The following TC2N variants were observed in gnomAD, a reference collection of about 807,000 sequenced individuals.
TC2N encodes the protein tandem C2 domains, nuclear.
TC2N carries 51 observed loss-of-function variants against 61.9 expected under a neutral mutation model. The observed-to-expected ratio is 0.82, with a 90% CI of 0.66 to 1.04. The LOEUF is 1.04. Ranked by LOEUF, TC2N falls within the 50% of genes least tolerant of loss-of-function variation. The pLI, the probability that TC2N is intolerant of heterozygous loss-of-function variation, is 0.00. For synonymous variants in TC2N, 204 were observed against 192.6 expected, an observed-to-expected ratio of 1.06 and a Z score of -0.49; for missense variants, 556 against 566.7, an observed-to-expected ratio of 0.98 and a Z score of 0.19.
At chr14:91,864,739 CT>C (rs202210841) in intron 1 of TC2N, among the ~76,000 whole-genome samples, 2,650 of 149,826 alleles carry the variant, frequency 0.018, 78 homozygotes, top group African/African-American at 0.061. Flanking sequence ...CATAATGGCA[CT>C]GTATTTGTAT....
chr14:91,837,099 G>T lies in TC2N; in HGVS notation c.-56-23274C>A, dbSNP rs932129468. 2.5e-4 allele frequency among the ~76,000 whole-genome samples: 38 copies of T among 152,214 alleles called. 1 individual carries two copies. On this transcript the variant is annotated intron_variant, in intron 1 of 11. Coordinates refer to ENST00000435962, the MANE Select transcript of TC2N (RefSeq NM_001128596.3). This position sits in a 1 kb window ranked among gnomAD's most constrained non-coding sequence, Gnocchi z 4.2. ...ACCTCACACCCCCGATTCTATGAGG[G>T]ATCCCCTCTAACCCTGGTAAAGCGG...
chr14:91,826,133 A>G (rs916669423), intron 1 of TC2N, among the ~76,000 whole-genome samples: 7 of 152,078 alleles, frequency 4.6e-5, no homozygotes, highest in African/African-American at 1.7e-4. Context: ...AGCCTGTACA[A>G]TATAGGGAGA....
chr14:91,859,280 C>A (rs1416028939), intron 1 of TC2N, among the ~76,000 whole-genome samples: 1 of 152,110 alleles, frequency 6.6e-6, no homozygotes, highest in Non-Finnish European at 1.5e-5. Context: ...GTATGTAAAT[C>A]TTACCTTAAC....
intron 10 of TC2N, among the ~76,000 whole-genome samples, chr14:91,785,800 T>C (rs933562771): frequency 6.6e-5 from 10 of 151,930 alleles, no homozygotes; most frequent in African/African-American, 2.4e-4. Flanking sequence ...AAATTTGAGA[T>C]GTATAGAGCT....
At chr14:91,815,180 A>C (rs1051567151) in intron 1 of TC2N, among the ~76,000 whole-genome samples, 4 of 151,630 alleles carry the variant, frequency 2.6e-5, no homozygotes, top group South Asian at 2.1e-4. Flanking sequence ...TATAACTAAA[A>C]CAATTTTTCT....
Position 91,785,337 on chromosome 14 carries a change from A to C in TC2N, c.1187T>G (p.Phe396Cys). 6.2e-7 allele frequency: 1 copy of C among 1,613,552 alleles called. No individual in the cohort carries two copies. Among genetic ancestry groups the C allele is most frequent in the Non-Finnish European group, 8.5e-7 (1 of 1,179,778 alleles). ...TLSFFVKVGM[F>C]SSGELIYKKK... ...CTTATAAATCAACTCTCCCGAGCTAAACATTCCCACCTTCACGAAAAAACC... is the reference window on the plus strand; with the variant it reads ...CTTATAAATCAACTCTCCCGAGCTACACATTCCCACCTTCACGAAAAAACC... Residue 396 changes from phenylalanine (F) to cysteine (C), a missense_variant, in exon 11 of 12, where the codon TTT becomes TGT. Transcript: ENST00000435962.
At position 91,799,073 on chromosome 14, in the gene TC2N, A is replaced by G. The variant is rs749985252; in HGVS notation, c.562-9T>C. ...GACAATGAATCATGTCTCTATAAAT[A>G]AAATTATTCTTTAGTCAGAAATTGC... On this transcript the variant is annotated splice_polypyrimidine_tract_variant and intron_variant, in intron 5 of 11. Transcript: ENST00000435962. The G allele has an allele frequency of 1.0e-5, 16 of 1,552,998 alleles. No homozygotes were observed. Among genetic ancestry groups the G allele is most frequent in the South Asian group, 6.0e-5 (5 of 83,924 alleles).
chr14:91,867,030 C>T (rs547529610), intron 1 of TC2N, among the ~76,000 whole-genome samples: 1 of 152,206 alleles, frequency 6.6e-6, no homozygotes, highest in African/African-American at 2.4e-5. Flanking sequence ...CCCATCAGAC[C>T]ACATTTTGAA....
At chr14:91,786,217 C>T (rs994007568) in intron 10 of TC2N, among the ~76,000 whole-genome samples, 4 of 152,086 alleles carry the variant, frequency 2.6e-5, no homozygotes. Flanking sequence ...CATCTGTTGT[C>T]CTTGTTTCCT....
chr14:91,857,582 C>A (rs1366418382), intron 1 of TC2N, among the ~76,000 whole-genome samples: 1 of 152,190 alleles, frequency 6.6e-6, no homozygotes, highest in Non-Finnish European at 1.5e-5. Context: ...GTATTATTAT[C>A]CCCATTTAAC....
At chr14:91,851,885 A>C (rs1888383364) in intron 1 of TC2N, among the ~76,000 whole-genome samples, 1 of 152,260 alleles carries the variant, frequency 6.6e-6, no homozygotes, top group South Asian at 2.1e-4. Context: ...TTTAGCATCC[A>C]TCAAAATAAC....
intron 1 of TC2N, among the ~76,000 whole-genome samples, chr14:91,858,286 C>T (rs1888525185): frequency 6.6e-6 from 1 of 151,820 alleles, no homozygotes; most frequent in South Asian, 2.1e-4. Context: ...GCCATCACTC[C>T]CAGCCAAGAA....
At chr14:91,800,460 A>C (rs1886175800) in intron 4 of TC2N, 88 bp from the exon 5 acceptor site, 1 of 624,934 alleles carries the variant, frequency 1.6e-6, no homozygotes, top group African/African-American at 1.9e-5. Context: ...GTAGCAATAC[A>C]TCATGAATAT....
At chr14:91,836,167 CAG>C (rs1887991450) in intron 1 of TC2N, 1 of 152,662 alleles carries the variant, frequency 6.6e-6, no homozygotes, top group Non-Finnish European at 1.5e-5. Context: ...ACAAAAGAGA[CAG>C]AACTGACACT....
At chr14:91,803,406 C>A (rs1595236858) in intron 3 of TC2N, among the ~76,000 whole-genome samples, 1 of 96,270 alleles carries the variant, frequency 1.0e-5, no homozygotes, top group African/African-American at 4.7e-5. Context: ...CACACACGTA[C>A]ATACATACAC....
intron 8 of TC2N, 31 bp downstream of exon 8, chr14:91,797,754 A>G: frequency 2.9e-6 from 4 of 1,358,270 alleles, no homozygotes; most frequent in Non-Finnish European, 4.1e-6. Context: ...AAAAAAACAG[A>G]AAAGAAATTC....
At chr14:91,864,969 C>A (rs146862030) in intron 1 of TC2N, among the ~76,000 whole-genome samples, 1 of 151,822 alleles carries the variant, frequency 6.6e-6, no homozygotes, top group Non-Finnish European at 1.5e-5. Context: ...TTAGTAGAGA[C>A]GGGTTTCACC....
chr14:91,851,115 A>G (rs376325107), intron 1 of TC2N, among the ~76,000 whole-genome samples: 1 of 152,110 alleles, frequency 6.6e-6, no homozygotes, highest in South Asian at 2.1e-4. Context: ...AGTGCACAAT[A>G]AATGTAATGT....
rs749126727 is a variant in TC2N at position 91,802,431 on chromosome 14, A to G, written c.302-10T>C. On this transcript the variant is annotated splice_polypyrimidine_tract_variant and intron_variant, in intron 3 of 11. Transcript: ENST00000435962. ...GATGCTCTGGCAGATCCTGAAAGCAAATGTTTCTAAAAGTTTATAACATCC... is the reference window on the plus strand; with the variant it reads ...GATGCTCTGGCAGATCCTGAAAGCAGATGTTTCTAAAAGTTTATAACATCC... 4.4e-6 allele frequency: 7 copies of G among 1,608,982 alleles called. No individual in the cohort carries two copies. The South Asian group carries it at 5.6e-5, about 13-fold the overall frequency.
Sources: gnomAD v4.1 joint callset for allele counts (sites outside exome capture counted in the v4.1 genomes callset) on GRCh38, gnomAD v4.1.1 for gene constraint, Gnocchi (gnomAD v3.1) non-coding constraint, MANE v1.5 for transcripts, NCBI Gene and HGNC (gene_info 2026-07-23, HGNC 2026-07-21) for gene names.